TYW5: variants seen among roughly 807,000 people sequenced by gnomAD.
TYW5 encodes tRNA wybutosine-synthesizing protein 5.
Under a neutral mutation model 44.4 loss-of-function variants are expected in TYW5, and 36 were observed. The ratio of observed to expected loss-of-function variants is 0.81; its 90% CI spans 0.62 to 1.07. The LOEUF is 1.07. TYW5 is among the 50% of genes least tolerant of loss of function. The pLI is 0.00. For synonymous variants in TYW5, 121 were observed against 128.1 expected (o/e 0.94, Z 0.37); for missense variants, 354 against 365.7 (o/e 0.97, Z 0.26).
At chr2:199,951,796 C>T (rs2077546972) in intron 1 of TYW5, among the ~76,000 whole-genome samples, 1 of 152,038 alleles carries the variant, frequency 6.6e-6, no homozygotes, top group African/African-American at 2.4e-5. Flanking sequence ...GCAGGCGGAT[C>T]ACAAAGTCAG....
rs1047215338 is a variant in TYW5 at position 199,929,155 on chromosome 2, T to C, written c.*3912A>G. On this transcript the variant is annotated 3_prime_UTR_variant, in exon 8 of 8. Transcript: ENST00000354611. ...ACCAAAAAAGGTCATTTTAGTATTCTGTTTAATGGAACTTAGAAAGAGACT... is the reference window on the plus strand; with the variant it reads ...ACCAAAAAAGGTCATTTTAGTATTCCGTTTAATGGAACTTAGAAAGAGACT... Among the ~76,000 whole-genome samples, 1 of 145,384 alleles carries C rather than the reference T, an allele frequency of 6.9e-6. No homozygotes were observed. Among genetic ancestry groups the C allele is most frequent in the African/African-American group, 2.5e-5 (1 of 39,968 alleles).
Position 199,932,989 on chromosome 2 carries a change from T to A in TYW5, c.*78A>T, listed in dbSNP as rs1210319583. 6.7e-7 allele frequency: 1 copy of A among 1,500,282 alleles called. No individual in the cohort carries two copies. Among genetic ancestry groups the A allele is most frequent in the Non-Finnish European group, 9.0e-7 (1 of 1,113,098 alleles). The allele number at this position is 1,500,282 out of a possible 1,614,324, so 92.9% of individuals were successfully genotyped here. ...ATAATCTGTAAATCTGATGTATCTT[T>A]CCTATTTTAACAAAATCTTTAATTT... On this transcript the variant is annotated 3_prime_UTR_variant, in exon 8 of 8. Coordinates refer to ENST00000354611, the MANE Select transcript of TYW5 (RefSeq NM_001039693.3).
Position 199,933,194 on chromosome 2 carries a change from C to G in TYW5, c.821G>C (p.Arg274Thr), listed in dbSNP as rs768375152. The change falls in exon 8 of 8, where the codon AGA becomes ACA. Residue 274 changes from arginine to threonine, a missense_variant. Coordinates refer to ENST00000354611, the MANE Select transcript of TYW5 (RefSeq NM_001039693.3). ...YGNKDPTAAS[R>T]AAQILDRALK... ...GGCTCTGTCCAGAATTTGTGCAGCTCTTGATGCTGCTGTAGGATCTTTGTT... is the reference window on the plus strand; with the variant it reads ...GGCTCTGTCCAGAATTTGTGCAGCTGTTGATGCTGCTGTAGGATCTTTGTT... 8 of 1,614,118 alleles carry G rather than the reference C, an allele frequency of 5.0e-6. No individual in the cohort carries two copies. The highest frequency in any genetic ancestry group is 5.9e-6 in the Non-Finnish European group (7 of 1,180,030).
In TYW5 at chr2:199,948,401, G is replaced by C; in HGVS notation, c.150C>G (p.Ser50Arg). Residue 50 changes from serine to arginine, a missense_variant, in exon 2 of 8, where the codon AGC becomes AGG. By Grantham distance (110) the Ser-to-Arg change is moderately radical. Coordinates refer to ENST00000354611, the MANE Select transcript of TYW5 (RefSeq NM_001039693.3). Reference sequence around the variant, plus strand: ...TTACTTCTTTCTTCCCTCCAACTTGGCTTAGGTAATCCACTGTCCATTTGC... The same window carrying C: ...TTACTTCTTTCTTCCCTCCAACTTGCCTTAGGTAATCCACTGTCCATTTGC... ...CTSKWTVDYL[S>R]QVGGKKEVKI... The C allele has an allele frequency of 1.2e-6, 2 of 1,614,060 alleles. No homozygotes were observed. The highest frequency in any genetic ancestry group is 1.7e-6 in the Non-Finnish European group (2 of 1,180,014).
At chr2:199,943,517 C>T (rs911432106) in intron 3 of TYW5, 4 of 354,182 alleles carry the variant, frequency 1.1e-5, no homozygotes, top group African/African-American at 8.5e-5. Context: ...CTCACAAACA[C>T]TTTATAAAAT....
rs1320862839 is a variant in TYW5, at chr2:199,955,445, G to T, written c.26C>A (p.Pro9His). The change falls in exon 1 of 8, where the codon CCC becomes CAC. Residue 9 changes from proline (P) to histidine (H), a missense_variant. By Grantham distance (77) the Pro-to-His change is moderately conservative. Transcript: ENST00000354611. ...CTCCCGAGAAACGCCCTCCAGCCGG[G>T]GTACCGGGAGGTGCTGCCCGGCCAT... is the stretch of plus-strand genomic sequence containing the variant. MAGQHLPV[P>H]RLEGVSREQF... is the part of the protein sequence containing the mutation. 1.2e-6 allele frequency: 2 copies of T among 1,613,836 alleles called. No individual in the cohort carries two copies. Among genetic ancestry groups the T allele is most frequent in the Non-Finnish European group, 1.7e-6 (2 of 1,179,960 alleles).
intron 2 of TYW5, chr2:199,944,255 G>C (rs1345175604): frequency 6.2e-6 from 1 of 160,704 alleles, no homozygotes; most frequent in Non-Finnish European, 1.4e-5. Context: ...CTTTGGAAGA[G>C]ACAGTACACA....
intron 3 of TYW5, among the ~76,000 whole-genome samples, chr2:199,941,710 C>A (rs2077466136): frequency 6.6e-6 from 1 of 152,218 alleles, no homozygotes; most frequent in Non-Finnish European, 1.5e-5. Context: ...GCACCAGACA[C>A]AGAAGTGCAC....
chr2:199,948,074 G>A (rs1004321993), intron 2 of TYW5: 12 of 361,868 alleles, frequency 3.3e-5, no homozygotes, highest in Admixed American at 4.5e-5. Flanking sequence ...CCTGGGTGGC[G>A]CAGTAAAACT....
chr2:199,933,158 A>G lies in TYW5; in HGVS notation c.857T>C (p.Leu286Pro). 1.9e-6 allele frequency: 3 copies of G among 1,614,134 alleles called. No homozygotes were observed. In the African/African-American group the frequency reaches 4.0e-5, roughly 22 times the overall value. ...CCTATATTCCTCTGGTAACTCGGCC[A>G]GTGTTTTCAAGGCTCTGTCCAGAAT... ...AQILDRALKT[L>P]AELPEEYRDF... The change falls in exon 8 of 8, where the codon CTG (leucine) becomes CCG (proline). Residue 286 changes from leucine (L) to proline (P), a missense_variant. Leu to Pro is a moderately conservative substitution (Grantham distance 98). Coordinates refer to ENST00000354611, the MANE Select transcript of TYW5 (RefSeq NM_001039693.3).
chr2:199,943,784 TTA>T lies in TYW5; in HGVS notation c.282_283del (p.His94GlnfsTer9), dbSNP rs2077483654. ...AATTACCTCTGAAACAAAGAATTCT[TTA>T]TGTTTCTCTTCAGCTGCCCTCTGGA... On this transcript the variant is annotated frameshift_variant, in exon 3 of 8. Coordinates refer to ENST00000354611, the MANE Select transcript of TYW5 (RefSeq NM_001039693.3). LOFTEE classifies it high-confidence loss of function. The T allele has an allele frequency of 1.9e-6, 3 of 1,610,238 alleles. No homozygotes were observed. Among genetic ancestry groups the T allele is most frequent in the African/African-American group, 1.3e-5 (1 of 74,636 alleles).
Position 199,936,503 on chromosome 2 carries a change from A to G in TYW5, c.487-11T>C, listed in dbSNP as rs1244447843. 2.5e-6 allele frequency: 4 copies of G among 1,602,494 alleles called. No homozygotes were observed. Among genetic ancestry groups the G allele is most frequent in the Admixed American group, 1.7e-5 (1 of 59,240 alleles). On this transcript the variant is annotated splice_polypyrimidine_tract_variant and intron_variant, in intron 5 of 7. Transcript: ENST00000354611. ...CAAATTATCCATTACCTGAAGACCA[A>G]TAAAAGCTTATGGGTAATCATTATC...
intron 2 of TYW5, chr2:199,947,962 T>C (rs2077515184): frequency 1.0e-5 from 2 of 193,054 alleles, no homozygotes; most frequent in Non-Finnish European, 1.1e-5. Context: ...CATAGTGGCA[T>C]GTGCCTGTAA....
intron 4 of TYW5, among the ~76,000 whole-genome samples, chr2:199,939,712 T>C (rs2077449872): frequency 6.6e-6 from 1 of 152,220 alleles, no homozygotes. Context: ...TACTCTTTAA[T>C]ATCACAGCCA....
chr2:199,934,361 T>C (rs1013783296), intron 7 of TYW5, among the ~76,000 whole-genome samples: 6 of 151,958 alleles, frequency 3.9e-5, no homozygotes, highest in African/African-American at 1.4e-4. Context: ...TTTTTTTTCT[T>C]AAAACAATTG....
chr2:199,947,734 C>A (rs973091372), intron 2 of TYW5: 1 of 152,244 alleles, frequency 6.6e-6, no homozygotes, highest in Non-Finnish European at 1.5e-5. Context: ...TGAAATCTAA[C>A]CCTAGTTACA....
chr2:199,935,143 T>C (rs1015157569), intron 7 of TYW5, among the ~76,000 whole-genome samples: 1 of 152,072 alleles, frequency 6.6e-6, no homozygotes, highest in Admixed American at 6.5e-5. Context: ...TAATAGAGTA[T>C]ATTATTTTTA....
At chr2:199,951,626 T>C (rs983338870) in intron 1 of TYW5, among the ~76,000 whole-genome samples, 1 of 152,192 alleles carries the variant, frequency 6.6e-6, no homozygotes, top group Non-Finnish European at 1.5e-5. Flanking sequence ...TTTTGCAAAG[T>C]GATCAAAAAC....
Position 199,932,940 on chromosome 2 carries a change from A to G in TYW5, c.*127T>C. The stretch of plus-strand genomic sequence containing the variant: ...TAACAATCTGTATCAAGTAGAATCC[A>G]CACAAACACCCCTTCGTACTTACAT... On this transcript the variant is annotated 3_prime_UTR_variant, in exon 8 of 8. Coordinates refer to ENST00000354611, the MANE Select transcript of TYW5 (RefSeq NM_001039693.3). 1 of 1,109,152 alleles carries G rather than the reference A, an allele frequency of 9.0e-7. No individual in the cohort carries two copies. The highest frequency in any genetic ancestry group is 1.3e-6 in the Non-Finnish European group (1 of 789,498). The allele number at this position is 1,109,152 out of a possible 1,614,324, so 68.7% of individuals were successfully genotyped here.
Sources: gnomAD v4.1 joint callset for allele counts (sites outside exome capture counted in the v4.1 genomes callset) on GRCh38, gnomAD v4.1.1 for gene constraint, MANE v1.5 for transcripts, NCBI Gene and HGNC (gene_info 2026-07-23, HGNC 2026-07-21) for gene names.